ATP11C: variants seen among roughly 807,000 people sequenced by gnomAD.
The protein encoded by ATP11C is ATPase phospholipid transporting 11C (ATP11C blood group).
A neutral mutation model predicts 97.4 loss-of-function variants in ATP11C; 36 were observed. The ratio of observed to expected loss-of-function variants is 0.37; its 90% confidence interval spans 0.28 to 0.49. The LOEUF (loss-of-function observed/expected upper bound fraction) is 0.49, where lower values mean the gene tolerates loss of function less well. Ranked by LOEUF, ATP11C falls within the 20% of genes least tolerant of loss-of-function variation. The pLI is 0.98. For missense variants in ATP11C, 730 were observed against 824.6 expected (o/e 0.89, Z 1.40); for synonymous variants, 275 against 290.9 (o/e 0.95, Z 0.56).
rs934169514 is a variant in ATP11C at position 139,895,101 on chromosome X, G to A, written c.27+36915C>T. On this transcript the variant is annotated intron_variant, in intron 1 of 29. Coordinates refer to ENST00000682941, the MANE Select transcript of ATP11C (RefSeq NM_001353812.2). ...TACTAGATTCTTCCACGTGGTAAAC[G>A]GATATAAGAGATACTGGAAAGTGAC... Among the ~76,000 whole-genome samples the A allele has an allele frequency of 9.8e-5, 11 of 112,191 alleles. No individual in the cohort carries two copies. In the East Asian group the frequency reaches 2.8e-3, roughly 28 times the overall value.
At chrX:139,842,991 T>A in intron 1 of ATP11C, among the ~76,000 whole-genome samples, 1 of 112,296 alleles carries the variant, frequency 8.9e-6, no homozygotes, top group East Asian at 2.8e-4. Flanking sequence ...GCCAAGTATC[T>A]CAGTTTATTC....
At chrX:139,814,146 G>A (rs1041227251) in intron 5 of ATP11C, among the ~76,000 whole-genome samples, 4 of 110,815 alleles carry the variant, frequency 3.6e-5, no homozygotes, top group Non-Finnish European at 5.7e-5. Flanking sequence ...CAAAAAATTA[G>A]TGTTTGACAT....
At chrX:139,920,528 T>C (rs1162988273) in intron 1 of ATP11C, among the ~76,000 whole-genome samples, 1 of 111,432 alleles carries the variant, frequency 9.0e-6, no homozygotes, top group Non-Finnish European at 1.9e-5. Flanking sequence ...GGCTGAAGGA[T>C]AGAGGACTGG....
At chrX:139,876,420 A>G (rs2084474377) in intron 1 of ATP11C, among the ~76,000 whole-genome samples, 1 of 111,991 alleles carries the variant, frequency 8.9e-6, no homozygotes, top group Admixed American at 9.5e-5. Flanking sequence ...CTGAAATCCC[A>G]ATACAACAAT....
intron 2 of ATP11C, among the ~76,000 whole-genome samples, chrX:139,823,210 A>AAAAC (rs1006564175): frequency 2.7e-5 from 3 of 111,832 alleles, no homozygotes; most frequent in Non-Finnish European, 5.6e-5. Flanking sequence ...TCTTGTCTCA[A>AAAAC]AAACAAACAA....
chrX:139,778,727 G>A (rs189340012), intron 18 of ATP11C, among the ~76,000 whole-genome samples: 3 of 111,308 alleles, frequency 2.7e-5, no homozygotes, highest in African/African-American at 6.5e-5. Flanking sequence ...CTACTCAGGA[G>A]GCTGAGGCAG....
intron 1 of ATP11C, among the ~76,000 whole-genome samples, chrX:139,860,201 G>A (rs1178629987): frequency 9.1e-6 from 1 of 110,017 alleles, no homozygotes. Context: ...GACTTTTCAT[G>A]ACTATAATTA....
At chrX:139,804,173 C>T (rs746232560) in intron 6 of ATP11C, among the ~76,000 whole-genome samples, 175 of 111,154 alleles carry the variant, frequency 1.6e-3, no homozygotes, top group Non-Finnish European at 2.4e-3. Flanking sequence ...TGATTACTCC[C>T]ATTTTAGAGT....
chrX:139,916,314 T>C (rs1020425446), intron 1 of ATP11C, among the ~76,000 whole-genome samples: 3 of 110,962 alleles, frequency 2.7e-5, no homozygotes, highest in Non-Finnish European at 5.7e-5. Flanking sequence ...ATGGGAAGAT[T>C]AGAAATGCAA....
At chrX:139,788,060 G>T in intron 14 of ATP11C, 132 bp downstream of exon 14, 1 of 597,045 alleles carries the variant, frequency 1.7e-6, no homozygotes, top group Non-Finnish European at 2.5e-6. Context: ...TTTGGCTAAA[G>T]CAGTTGTGTT....
At chrX:139,878,282 C>G (rs1016765689) in intron 1 of ATP11C, among the ~76,000 whole-genome samples, 1 of 111,362 alleles carries the variant, frequency 9.0e-6, no homozygotes, top group African/African-American at 3.3e-5. Flanking sequence ...TTATTGTTAC[C>G]CTTGAAATAA....
chrX:139,851,743 T>A (rs995245750), intron 1 of ATP11C, among the ~76,000 whole-genome samples: 2 of 111,974 alleles, frequency 1.8e-5, no homozygotes, highest in African/African-American at 6.5e-5. Context: ...GGATGCAGGA[T>A]ATGTAGTCAG....
rs146085978 is a variant in ATP11C at position 139,860,392 on chromosome X, T to C, written c.28-33569A>G. Among the ~76,000 whole-genome samples the C allele has an allele frequency of 5.5e-4, 61 of 111,785 alleles. No individual in the cohort carries two copies. The East Asian group carries it at 0.016, about 30-fold the overall frequency. ...AAACAGATATACAGGTTTTAAGAGA[T>C]AGGAGAAAAGAATACCCTTGAAGAA... On this transcript the variant is annotated intron_variant, in intron 1 of 29. Coordinates refer to ENST00000682941, the MANE Select transcript of ATP11C (RefSeq NM_001353812.2).
At chrX:139,928,141 G>A (rs2085381400) in intron 1 of ATP11C, among the ~76,000 whole-genome samples, 1 of 110,847 alleles carries the variant, frequency 9.0e-6, no homozygotes, top group Non-Finnish European at 1.9e-5. Context: ...TCTCCATGTT[G>A]AGAAAGACTA....
intron 1 of ATP11C, among the ~76,000 whole-genome samples, chrX:139,904,738 TGAA>T (rs999292549): frequency 4.5e-5 from 5 of 110,672 alleles, no homozygotes; most frequent in African/African-American, 1.6e-4. Flanking sequence ...AACTTAGTTC[TGAA>T]GGAGGAGCAG....
At chrX:139,893,072 T>C (rs2084753897) in intron 1 of ATP11C, among the ~76,000 whole-genome samples, 1 of 111,961 alleles carries the variant, frequency 8.9e-6, no homozygotes. Flanking sequence ...TTAGGAATGT[T>C]TGTCGCCCAG....
chrX:139,836,463 C>T (rs1273773381), intron 1 of ATP11C, among the ~76,000 whole-genome samples: 1 of 109,263 alleles, frequency 9.2e-6, no homozygotes, highest in Non-Finnish European at 1.9e-5. Context: ...TGCAGTGAGC[C>T]GAGATCGCAC....
chrX:139,912,562 T>C lies in ATP11C; in HGVS notation c.27+19454A>G, dbSNP rs139470773. On this transcript the variant is annotated intron_variant, in intron 1 of 29. Coordinates refer to ENST00000682941, the MANE Select transcript of ATP11C (RefSeq NM_001353812.2). Reference sequence around the variant, plus strand: ...TTTCCAAGGCTACACTGCTCATTAGTAGAGGCACCATAACAAAGAAGTTCC... The same window carrying C: ...TTTCCAAGGCTACACTGCTCATTAGCAGAGGCACCATAACAAAGAAGTTCC... Among the ~76,000 whole-genome samples, 124 of 111,430 alleles carry C rather than the reference T, an allele frequency of 1.1e-3. No individual in the cohort carries two copies. In the East Asian group the frequency reaches 0.028, roughly 25 times the overall value.
chrX:139,914,750 T>C (rs1308753969), intron 1 of ATP11C, among the ~76,000 whole-genome samples: 1 of 111,655 alleles, frequency 9.0e-6, no homozygotes, highest in Non-Finnish European at 1.9e-5. Context: ...GTCTTGAACC[T>C]ACCAGTCTTC....
Sources: gnomAD v4.1 joint callset for allele counts (sites outside exome capture counted in the v4.1 genomes callset) on GRCh38, gnomAD v4.1.1 for gene constraint, MANE v1.5 for transcripts, NCBI Gene and HGNC (gene_info 2026-07-23, HGNC 2026-07-21) for gene names.